The following CFAP77 variants were observed in gnomAD, a reference collection of about 807,000 sequenced individuals.
The protein encoded by CFAP77 is cilia and flagella associated protein 77.
CFAP77 carries 25 observed loss-of-function variants against 31.1 expected under a neutral mutation model. That is an observed-to-expected ratio of 0.80 (90% CI 0.59 to 1.12). The LOEUF is 1.12. Ranked by LOEUF, CFAP77 falls within the 50% of genes most tolerant of loss-of-function variation. The pLI is 0.00. For synonymous variants in CFAP77, 151 were observed against 159.9 expected (o/e 0.94, Z 0.42); for missense variants, 377 against 397.3 (o/e 0.95, Z 0.44).
intron 1 of CFAP77, among the ~76,000 whole-genome samples, chr9:132,496,131 C>CA (rs1010545636): frequency 4.6e-5 from 7 of 151,980 alleles, no homozygotes; most frequent in Non-Finnish European, 1.0e-4. Context: ...ATGGGGTATA[C>CA]AAAAAAATCT....
chr9:132,552,467 G>A lies in CFAP77; in HGVS notation c.732+9420G>A, dbSNP rs1170978273. On this transcript the variant is annotated intron_variant, in intron 5 of 5. Coordinates refer to ENST00000393216, the MANE Select transcript of CFAP77 (RefSeq NM_001282957.2). The surrounding 1 kb of genome is among the most constrained non-coding windows in gnomAD (Gnocchi z 5.5). ...TCCCAGCACTTTGGGAGGCCAAGGC[G>A]GGAGGATCACTTCAGCTCAGGAGTT... Among the ~76,000 whole-genome samples, 1 of 152,190 alleles carries A rather than the reference G, an allele frequency of 6.6e-6. No individual in the cohort carries two copies. The highest frequency in any genetic ancestry group is 2.4e-5 in the African/African-American group (1 of 41,440).
intron 3 of CFAP77, among the ~76,000 whole-genome samples, chr9:132,509,311 G>T (rs961385946): frequency 6.6e-6 from 1 of 152,230 alleles, no homozygotes; most frequent in African/African-American, 2.4e-5. Flanking sequence ...GGCCTGAACA[G>T]GTTCTTTTGG....
At chr9:132,459,465 G>GTATGTA (rs1850998546) in intron 1 of CFAP77, among the ~76,000 whole-genome samples, 1 of 151,376 alleles carries the variant, frequency 6.6e-6, no homozygotes, top group Admixed American at 6.6e-5. Flanking sequence ...ATGTGTGAGT[G>GTATGTA]TATGTATATG....
chr9:132,510,689 G>A (rs914900614), intron 3 of CFAP77, among the ~76,000 whole-genome samples: 2 of 152,078 alleles, frequency 1.3e-5, no homozygotes, highest in Non-Finnish European at 2.9e-5. Flanking sequence ...TCATCTCATC[G>A]TGTGGAGGAA....
intron 3 of CFAP77, among the ~76,000 whole-genome samples, chr9:132,518,683 G>A (rs1164371273): frequency 6.6e-6 from 1 of 152,192 alleles, no homozygotes; most frequent in Non-Finnish European, 1.5e-5. Flanking sequence ...GGTCCTGCCT[G>A]TGTTCACCCT....
rs1852173640 is a variant in CFAP77 at position 132,517,770 on chromosome 9, C to CA, written c.524+18173dup. Among the ~76,000 whole-genome samples the CA allele has an allele frequency of 6.6e-6, 1 of 152,244 alleles. No homozygotes were observed. Among genetic ancestry groups the CA allele is most frequent in the Admixed American group, 6.5e-5 (1 of 15,284 alleles). ...TGTCAGCCCTCATCCCCCGCACACA[C>CA]AAAGTGTCAGCCTAATGTTTGCAAA... is the stretch of plus-strand genomic sequence containing the variant. On this transcript the variant is annotated intron_variant, in intron 3 of 5. Coordinates refer to ENST00000393216, the MANE Select transcript of CFAP77 (RefSeq NM_001282957.2). The surrounding 1 kb of genome is among the most constrained non-coding windows in gnomAD (Gnocchi z 4.7).
At chr9:132,459,459 G>C (rs1047065705) in intron 1 of CFAP77, among the ~76,000 whole-genome samples, 1 of 150,984 alleles carries the variant, frequency 6.6e-6, no homozygotes, top group African/African-American at 2.4e-5. Context: ...GTGTGTATGT[G>C]TGAGTGTATG....
rs1851451510 is a variant in CFAP77, at chr9:132,481,931, T to C, written c.196-16764T>C. On this transcript the variant is annotated intron_variant, in intron 1 of 5. Transcript: ENST00000393216. This position sits in a 1 kb window ranked among gnomAD's most constrained non-coding sequence, Gnocchi z 5.0. ...TCACTGGAGCGGGCGTTTTCATCTG[T>C]TCTCAGGAAGGAACAAGGGTTTATG... Among the ~76,000 whole-genome samples the C allele has an allele frequency of 6.9e-6, 1 of 145,066 alleles. No individual in the cohort carries two copies. The highest frequency in any genetic ancestry group is 1.5e-5 in the Non-Finnish European group (1 of 66,424).
At chr9:132,471,686 G>GTTT (rs1491502087) in intron 1 of CFAP77, among the ~76,000 whole-genome samples, 1 of 101,034 alleles carries the variant, frequency 9.9e-6, no homozygotes, top group African/African-American at 3.4e-5. Context: ...GAGGGGGGTT[G>GTTT]TTTTTGTTTT....
chr9:132,489,907 C>T (rs928921783), intron 1 of CFAP77, among the ~76,000 whole-genome samples: 7 of 152,116 alleles, frequency 4.6e-5, no homozygotes, highest in Non-Finnish European at 7.4e-5. Context: ...GGTTACCAAA[C>T]GTCCTAGTGT....
At position 132,424,831 on chromosome 9, in the gene CFAP77, C is replaced by CTTTT. The variant is rs1850286483; in HGVS notation, c.195+14366_195+14367insTTTT. Among the ~76,000 whole-genome samples the CTTTT allele has an allele frequency of 6.6e-6, 1 of 152,300 alleles. No homozygotes were observed. Among genetic ancestry groups the CTTTT allele is most frequent in the East Asian group, 1.9e-4 (1 of 5,188 alleles). ...CTCCATCAAGGCTGAGCAGAGCGGCCTCCCCCTTTTCAAAGGAAAGGCATC... is the reference window on the plus strand; with the variant it reads ...CTCCATCAAGGCTGAGCAGAGCGGCCTTTTTCCCCCTTTTCAAAGGAAAGGCATC... On this transcript the variant is annotated intron_variant, in intron 1 of 5. Coordinates refer to ENST00000393216, the MANE Select transcript of CFAP77 (RefSeq NM_001282957.2). This position sits in a 1 kb window ranked among gnomAD's most constrained non-coding sequence, Gnocchi z 4.1.
chr9:132,541,035 G>T (rs1008361465), intron 4 of CFAP77, among the ~76,000 whole-genome samples: 5 of 152,122 alleles, frequency 3.3e-5, no homozygotes, highest in Non-Finnish European at 7.4e-5. Flanking sequence ...CCCCCCAAAC[G>T]CTGGGAGGCT....
intron 1 of CFAP77, among the ~76,000 whole-genome samples, chr9:132,471,569 T>C (rs956866840): frequency 6.6e-6 from 1 of 152,106 alleles, no homozygotes; most frequent in Non-Finnish European, 1.5e-5. Context: ...TTTTATGTTG[T>C]GCTATAAACA....
At chr9:132,484,745 G>T (rs1340786339) in intron 1 of CFAP77, among the ~76,000 whole-genome samples, 1 of 151,750 alleles carries the variant, frequency 6.6e-6, no homozygotes, top group Non-Finnish European at 1.5e-5. Context: ...AATTTTTGTG[G>T]GTACATAGTA....
chr9:132,416,034 G>T lies in CFAP77; in HGVS notation c.195+5568G>T, dbSNP rs1001459775. On this transcript the variant is annotated intron_variant, in intron 1 of 5. Transcript: ENST00000393216. Reference sequence around the variant, plus strand: ...GTTAGTTCTCTGTGTTTGTGTGTGTGTAATGCTTGTAAAATGTGTCACAGA... The same window carrying T: ...GTTAGTTCTCTGTGTTTGTGTGTGTTTAATGCTTGTAAAATGTGTCACAGA... Among the ~76,000 whole-genome samples the T allele has an allele frequency of 1.8e-4, 28 of 152,338 alleles. No individual in the cohort carries two copies. In the East Asian group the frequency reaches 4.0e-3, roughly 22 times the overall value.
rs546544480 is a variant in CFAP77 at position 132,411,626 on chromosome 9, G to T, written c.195+1160G>T. Among the ~76,000 whole-genome samples, 9 of 152,208 alleles carry T rather than the reference G, an allele frequency of 5.9e-5. No homozygotes were observed. In the East Asian group the frequency reaches 1.7e-3, roughly 29 times the overall value. ...AACAAGGTCCTTCACTTACTTCTAC[G>T]TGAGAAGAGCCACTCTGAGTGGACA... On this transcript the variant is annotated intron_variant, in intron 1 of 5. Coordinates refer to ENST00000393216, the MANE Select transcript of CFAP77 (RefSeq NM_001282957.2).
At chr9:132,458,369 A>G (rs1025806155) in intron 1 of CFAP77, among the ~76,000 whole-genome samples, 5 of 143,568 alleles carry the variant, frequency 3.5e-5, no homozygotes, top group African/African-American at 1.3e-4. Flanking sequence ...TGTGTATGGA[A>G]GGCTCAGCTC....
chr9:132,523,890 C>T (rs192998770), intron 3 of CFAP77, among the ~76,000 whole-genome samples: 9 of 152,220 alleles, frequency 5.9e-5, no homozygotes, highest in East Asian at 5.8e-4. Context: ...GTTTCTGCCC[C>T]GCCACCCCCA....
intron 5 of CFAP77, among the ~76,000 whole-genome samples, chr9:132,553,472 G>A (rs190625148): frequency 4.7e-4 from 72 of 152,272 alleles, no homozygotes; most frequent in Middle Eastern, 3.4e-3. Context: ...CACCATATGC[G>A]AATTTTGGGT....
Sources: allele counts gnomAD v4.1 joint callset (sites outside exome capture counted in the v4.1 genomes callset), GRCh38; gene constraint gnomAD v4.1.1; non-coding constraint Gnocchi (gnomAD v3.1); transcripts MANE v1.5; gene names NCBI Gene and HGNC (gene_info 2026-07-23, HGNC 2026-07-21).